The following CMTM4 variants were observed in gnomAD, a reference collection of about 807,000 sequenced individuals.
CMTM4 encodes CKLF like MARVEL transmembrane domain containing 4.
A neutral mutation model predicts 19.0 loss-of-function variants in CMTM4; 8 were observed. The observed-to-expected ratio is 0.42, with a 90% CI of 0.25 to 0.76. CMTM4 has a LOEUF of 0.76. Ranked by LOEUF, CMTM4 falls within the 30% of genes least tolerant of loss-of-function variation. CMTM4 has a pLI of 0.27. For synonymous variants in CMTM4, 106 were observed against 121.1 expected (o/e 0.88, Z 0.82); for missense variants, 228 against 290.2 (o/e 0.79, Z 1.56).
chr16:66,683,146 T>TATATAC (rs1341520062), intron 1 of CMTM4, among the ~76,000 whole-genome samples: 7 of 123,734 alleles, frequency 5.7e-5, no homozygotes, highest in East Asian at 5.7e-4. Flanking sequence ...TATATATATA[T>TATATAC]GTATATATAT....
At chr16:66,694,663 A>C (rs1214205184) in intron 1 of CMTM4, among the ~76,000 whole-genome samples, 1 of 148,088 alleles carries the variant, frequency 6.8e-6, no homozygotes, top group African/African-American at 2.5e-5. Context: ...CAGTGAGCCA[A>C]GATTGTGTCA....
At chr16:66,632,690 C>A (rs2144803367) in intron 2 of CMTM4, among the ~76,000 whole-genome samples, 1 of 152,080 alleles carries the variant, frequency 6.6e-6, no homozygotes, top group East Asian at 1.9e-4. Flanking sequence ...GATAGCGCCA[C>A]ATCCCAGAAG....
chr16:66,659,026 AGTCAAGC>A (rs1450944460), intron 1 of CMTM4, among the ~76,000 whole-genome samples: 1 of 152,100 alleles, frequency 6.6e-6, no homozygotes, highest in African/African-American at 2.4e-5. Flanking sequence ...CCCATCCCAC[AGTCAAGC>A]TATATAGAGT....
At chr16:66,667,066 T>C (rs1026431531) in intron 1 of CMTM4, among the ~76,000 whole-genome samples, 8 of 152,246 alleles carry the variant, frequency 5.3e-5, no homozygotes, top group Non-Finnish European at 8.8e-5. Context: ...GGCTTACGCC[T>C]GTAATCCTAA....
At chr16:66,603,349 G>A in the CMTM4 span, among the ~76,000 whole-genome samples, 3 of 152,108 alleles carry the variant, frequency 2.0e-5, no homozygotes, top group African/African-American at 7.2e-5. Context: ...GTGCAGTGGT[G>A]TGATTTTGGC....
chr16:66,668,654 G>A (rs968757742), intron 1 of CMTM4, among the ~76,000 whole-genome samples: 4 of 152,040 alleles, frequency 2.6e-5, no homozygotes, highest in Non-Finnish European at 5.9e-5. Context: ...GATCTCTGAG[G>A]AAAACAGATG....
At chr16:66,652,671 C>T (rs2016332991) in intron 1 of CMTM4, among the ~76,000 whole-genome samples, 1 of 152,188 alleles carries the variant, frequency 6.6e-6, no homozygotes, top group Non-Finnish European at 1.5e-5. Context: ...GTATCACAGG[C>T]TCCAATTAAA....
intron 1 of CMTM4, among the ~76,000 whole-genome samples, chr16:66,683,175 A>ATG (rs1567432221): frequency 6.0e-5 from 5 of 82,780 alleles, no homozygotes; most frequent in African/African-American, 1.5e-4. Flanking sequence ...ATATATATAT[A>ATG]CATATGTATA....
chr16:66,685,088 G>T (rs1017984835), intron 1 of CMTM4, among the ~76,000 whole-genome samples: 5 of 152,158 alleles, frequency 3.3e-5, no homozygotes, highest in African/African-American at 9.7e-5. Flanking sequence ...ATGAATTGCT[G>T]TAATTTCAAT....
intron 1 of CMTM4, among the ~76,000 whole-genome samples, chr16:66,642,716 C>G (rs2016117837): frequency 6.6e-6 from 1 of 152,038 alleles, no homozygotes; most frequent in African/African-American, 2.4e-5. Flanking sequence ...ACTTCATCAC[C>G]AAAACAAACA....
chr16:66,658,322 C>T (rs779795803), intron 1 of CMTM4, among the ~76,000 whole-genome samples: 2 of 152,024 alleles, frequency 1.3e-5, no homozygotes, highest in African/African-American at 2.4e-5. Context: ...GATCTGGACC[C>T]GGATTCTCAA....
chr16:66,687,223 T>G (rs919660549), intron 1 of CMTM4, among the ~76,000 whole-genome samples: 10 of 151,448 alleles, frequency 6.6e-5, no homozygotes, highest in Non-Finnish European at 1.5e-4. Context: ...ATTATCTAAA[T>G]CATTCTTCCC....
At chr16:66,610,253 C>T (rs550892060), downstream of CMTM4, among the ~76,000 whole-genome samples, 29 of 152,256 alleles carry the variant, frequency 1.9e-4, no homozygotes, top group East Asian at 3.9e-4. The surrounding 1 kb of genome is among the most constrained non-coding windows in gnomAD (Gnocchi z 4.6). Flanking sequence ...CAGGCCAGGC[C>T]GGCAAGTCTC....
downstream of CMTM4, chr16:66,612,911 T>A: frequency 3.2e-6 from 2 of 621,988 alleles, no homozygotes; most frequent in South Asian, 3.7e-5. This position sits in a 1 kb window ranked among gnomAD's most constrained non-coding sequence, Gnocchi z 6.0. Context: ...CCCTTTAACG[T>A]CTCTGCCAAA....
At chr16:66,631,233 G>T (rs1409338480) in intron 2 of CMTM4, among the ~76,000 whole-genome samples, 15 of 147,150 alleles carry the variant, frequency 1.0e-4, no homozygotes, top group African/African-American at 3.6e-4. Flanking sequence ...CCCCCCGCCC[G>T]GCCAGCCGCC....
the CMTM4 span, among the ~76,000 whole-genome samples, chr16:66,606,854 T>G: frequency 6.6e-6 from 1 of 151,998 alleles, no homozygotes; most frequent in African/African-American, 2.4e-5. Context: ...TTAGCTGGGT[T>G]TGGTGGCGGG....
chr16:66,659,829 A>C (rs531781548), intron 1 of CMTM4, among the ~76,000 whole-genome samples: 1 of 152,352 alleles, frequency 6.6e-6, no homozygotes, highest in African/African-American at 2.4e-5. Context: ...GATAACTGTA[A>C]AAGCTGGATA....
rs1281998167 is a variant in CMTM4, at chr16:66,617,364, A to C, written c.*4694T>G. On this transcript the variant is annotated 3_prime_UTR_variant, in exon 4 of 4. Transcript: ENST00000394106. ...CGTTTGTGGAGTAGGAAAAACTAGA[A>C]AGGAAAAAAAAATCCCAAAGGTTGA... is the stretch of plus-strand genomic sequence containing the variant. 6.2e-7 allele frequency: 1 copy of C among 1,612,710 alleles called. No homozygotes were observed. The highest frequency in any genetic ancestry group is 1.7e-5 in the Admixed American group (1 of 59,816).
chr16:66,683,194 C>CATATATATATGTGTATAT (rs2016968217), intron 1 of CMTM4, among the ~76,000 whole-genome samples: 11 of 107,720 alleles, frequency 1.0e-4, no homozygotes, highest in African/African-American at 4.4e-4. Flanking sequence ...TATATATATA[C>CATATATATATGTGTATAT]ATATATATAT....
Sources: allele counts gnomAD v4.1 joint callset (sites outside exome capture counted in the v4.1 genomes callset), GRCh38; gene constraint gnomAD v4.1.1; non-coding constraint Gnocchi (gnomAD v3.1); transcripts MANE v1.5; gene names NCBI Gene and HGNC (gene_info 2026-07-23, HGNC 2026-07-21).